The following MDM2 variants were observed in gnomAD, a reference collection of about 807,000 sequenced individuals.
MDM2 encodes the protein MDM2 proto-oncogene.
A neutral mutation model predicts 64.3 loss-of-function variants in MDM2; 11 were observed. The observed-to-expected ratio is 0.17, with a 90% confidence interval of 0.11 to 0.28. MDM2 has a LOEUF of 0.28. Among genes scored for constraint, MDM2 ranks in the 10% least tolerant of loss-of-function variants. MDM2 has a pLI of 1.00. For synonymous variants in MDM2, 194 were observed against 192.9 expected (o/e 1.01, Z -0.05); for missense variants, 388 against 577.1 (o/e 0.67, Z 3.36).
intron 5 of MDM2, 73 bp from the exon 6 acceptor site, chr12:68,824,290 G>T: frequency 5.0e-6 from 5 of 990,636 alleles, no homozygotes; most frequent in Non-Finnish European, 7.8e-6. Context: ...TAGACTGATA[G>T]CATATCTACT....
chr12:68,823,785 G>A (rs146894602), intron 5 of MDM2, among the ~76,000 whole-genome samples: 181 of 152,294 alleles, frequency 1.2e-3, no homozygotes, highest in Admixed American at 3.5e-3. Flanking sequence ...TTAATGGTGA[G>A]TGGCTGCAAC....
intron 7 of MDM2, chr12:68,828,502 A>G: frequency 3.2e-6 from 1 of 316,154 alleles, no homozygotes; most frequent in Non-Finnish European, 6.1e-6. Context: ...TGAGCCCATG[A>G]GGCAGAGGTT....
Position 68,839,989 on chromosome 12 carries a change from A to T in MDM2, c.*140A>T. ...TTCTTCTCTTTAGTATAATTGACCT[A>T]CTTTGGTAGTGGAATAGTGAATACT... On this transcript the variant is annotated 3_prime_UTR_variant, in exon 11 of 11. Coordinates refer to ENST00000258149, the MANE Select transcript of MDM2 (RefSeq NM_002392.6). The T allele has an allele frequency of 1.3e-6, 1 of 748,612 alleles. No homozygotes were observed. Among genetic ancestry groups the T allele is most frequent in the East Asian group, 2.7e-5 (1 of 36,452 alleles). The allele number at this position is 748,612 out of a possible 1,614,324, so 46.4% of individuals were successfully genotyped here.
intron 8 of MDM2, among the ~76,000 whole-genome samples, chr12:68,830,187 G>A (rs1882682906): frequency 6.6e-6 from 1 of 152,106 alleles, no homozygotes. Flanking sequence ...TGGTAATATG[G>A]CAGTGTCTCA....
At chr12:68,833,279 A>T (rs1454384449) in intron 8 of MDM2, among the ~76,000 whole-genome samples, 7 of 51,054 alleles carry the variant, frequency 1.4e-4, no homozygotes, top group Admixed American at 6.3e-4. Context: ...ATATTTATAT[A>T]AATATAAATA....
Position 68,843,093 on chromosome 12 carries a change from G to GTTT in MDM2, c.*3255_*3257dup. On this transcript the variant is annotated 3_prime_UTR_variant, in exon 11 of 11. Coordinates refer to ENST00000258149, the MANE Select transcript of MDM2 (RefSeq NM_002392.6). ...GTGCCTTTTGCAATTTGTTGTGTGG[G>GTTT]TTTTTTTTTTTTTAAAGCCACACAA... 4 of 198,772 alleles carry GTTT rather than the reference G, an allele frequency of 2.0e-5. No homozygotes were observed. Among genetic ancestry groups the GTTT allele is most frequent in the East Asian group, 7.8e-5 (1 of 12,868 alleles). The allele number at this position is 198,772 out of a possible 1,614,324, so 12.3% of individuals were successfully genotyped here. A position where few individuals can be genotyped will look rare whatever the true frequency, so the allele number is the denominator to read the frequency against.
At chr12:68,823,347 A>G (rs1314736068) in intron 5 of MDM2, among the ~76,000 whole-genome samples, 1 of 152,218 alleles carries the variant, frequency 6.6e-6, no homozygotes, top group Non-Finnish European at 1.5e-5. Context: ...TCCAACTACA[A>G]ATGAAACCTA....
chr12:68,840,280 G>A lies in MDM2; in HGVS notation c.*431G>A, dbSNP rs963625112. On this transcript the variant is annotated 3_prime_UTR_variant, in exon 11 of 11. Coordinates refer to ENST00000258149, the MANE Select transcript of MDM2 (RefSeq NM_002392.6). Reference sequence around the variant, plus strand: ...CTGCCTCAGCCTCCCAATTAGCTTGGCCTACAGTCATCTGCCACCACACCT... The same window carrying A: ...CTGCCTCAGCCTCCCAATTAGCTTGACCTACAGTCATCTGCCACCACACCT... The A allele has an allele frequency of 8.9e-5, 16 of 179,978 alleles. No individual in the cohort carries two copies. Among genetic ancestry groups the A allele is most frequent in the Non-Finnish European group, 1.5e-4 (13 of 85,328 alleles). The allele number at this position is 179,978 out of a possible 1,614,324, so 11.1% of individuals were successfully genotyped here.
Position 68,839,180 on chromosome 12 carries a change from T to C in MDM2, c.919-94T>C, listed in dbSNP as rs554667235. On this transcript the variant is annotated intron_variant, in intron 10 of 10. Transcript: ENST00000258149. Reference sequence around the variant, plus strand: ...ACACTGAATATTGAGCCCTATGATATACTTTACCTTAGACATAGCAAAGTT... The same window carrying C: ...ACACTGAATATTGAGCCCTATGATACACTTTACCTTAGACATAGCAAAGTT... 71 of 1,106,096 alleles carry C rather than the reference T, an allele frequency of 6.4e-5. No individual in the cohort carries two copies. In the African/African-American group the frequency reaches 1.1e-3, roughly 17 times the overall value. 68.5% of individuals were successfully genotyped at this position (1,106,096 alleles called of 1,614,324 possible).
At position 68,808,374 on chromosome 12, in the gene MDM2, G is replaced by T. The variant is rs1354920648; in HGVS notation, c.-104G>T. ...CGAGCGCCCAGTGCCCTGGCCCGGA[G>T]AGTGGAATGATCCCCGAGGCCCAGG... On this transcript the variant is annotated 5_prime_UTR_variant, in exon 1 of 11. Coordinates refer to ENST00000258149, the MANE Select transcript of MDM2 (RefSeq NM_002392.6). 7.4e-6 allele frequency: 11 copies of T among 1,494,654 alleles called. No individual in the cohort carries two copies. In the East Asian group the frequency reaches 1.6e-4, roughly 22 times the overall value. 92.6% of individuals were successfully genotyped at this position (1,494,654 alleles called of 1,614,324 possible). A position where few individuals can be genotyped will look rare whatever the true frequency, so the allele number is the denominator to read the frequency against.
At chr12:68,813,530 A>G (rs1881093299) in intron 2 of MDM2, 24 bp from the exon 3 acceptor site, 1 of 1,543,926 alleles carries the variant, frequency 6.5e-7, no homozygotes, top group Non-Finnish European at 8.9e-7. Context: ...TGGAAGTATA[A>G]TAGCAGTTCT....
rs1032805463 is a variant in MDM2, at chr12:68,844,455, G to A, written c.*4606G>A. On this transcript the variant is annotated 3_prime_UTR_variant, in exon 11 of 11. Transcript: ENST00000258149. ...CTGTCTTCTCTTAGGTCACATGGCA[G>A]CCTGGCCTAAGTGATCGTGAATGGT... The A allele has an allele frequency of 1.2e-4, 27 of 228,228 alleles. No individual in the cohort carries two copies. Among genetic ancestry groups the A allele is most frequent in the Admixed American group, 6.2e-4 (11 of 17,604 alleles). The allele number at this position is 228,228 out of a possible 1,614,324, so 14.1% of individuals were successfully genotyped here. A position where few individuals can be genotyped will look rare whatever the true frequency, so the allele number is the denominator to read the frequency against.
Position 68,808,512 on chromosome 12 carries a change from G to C in MDM2, c.14+21G>C, listed in dbSNP as rs762870651. 3.7e-6 allele frequency: 6 copies of C among 1,614,042 alleles called. No individual in the cohort carries two copies. The African/African-American group carries it at 8.0e-5, about 22-fold the overall frequency. On this transcript the variant is annotated intron_variant, in intron 1 of 10. Coordinates refer to ENST00000258149, the MANE Select transcript of MDM2 (RefSeq NM_002392.6). ...AGCAGGTACTGGCCCGGCAGCGAGC[G>C]GTCACTTTTGGGTCTGGGCTCTGAC... is the stretch of plus-strand genomic sequence containing the variant.
intron 7 of MDM2, chr12:68,828,266 T>C (rs977196429): frequency 6.6e-6 from 1 of 152,308 alleles, no homozygotes; most frequent in Admixed American, 6.6e-5. Context: ...AGAAAAAAAT[T>C]CCTAGATTTT....
intron 7 of MDM2, among the ~76,000 whole-genome samples, chr12:68,827,539 G>T (rs1230937412): frequency 6.6e-6 from 1 of 152,002 alleles, no homozygotes; most frequent in African/African-American, 2.4e-5. Flanking sequence ...ATTTTATTTT[G>T]TCATGTAAAC....
At chr12:68,824,465 T>A in intron 6 of MDM2, 35 bp downstream of exon 6, 2 of 1,602,302 alleles carry the variant, frequency 1.2e-6, no homozygotes, top group Non-Finnish European at 1.7e-6. Context: ...TAATGTAATA[T>A]TATTTGCAAA....
chr12:68,843,794 A>G lies in MDM2; in HGVS notation c.*3945A>G, dbSNP rs1884021565. On this transcript the variant is annotated 3_prime_UTR_variant, in exon 11 of 11. Transcript: ENST00000258149. ...CCAAGCATTATTTGGAGTTGATAAT[A>G]CTTCAGCTACAACCAAGCAGAATCT... 4.5e-6 allele frequency: 1 copy of G among 221,790 alleles called. No homozygotes were observed. The highest frequency in any genetic ancestry group is 2.2e-5 in the African/African-American group (1 of 44,616). 13.7% of individuals were successfully genotyped at this position (221,790 alleles called of 1,614,324 possible).
chr12:68,835,693 C>T (rs559708524), intron 8 of MDM2, 136 bp from the exon 9 acceptor site: 23 of 773,626 alleles, frequency 3.0e-5, no homozygotes, highest in South Asian at 2.4e-4. Context: ...CGGGAAGTCC[C>T]GGATCAGAGC....
intron 8 of MDM2, among the ~76,000 whole-genome samples, chr12:68,835,542 A>G (rs1025169491): frequency 1.3e-5 from 2 of 152,228 alleles, no homozygotes; most frequent in Non-Finnish European, 2.9e-5. Flanking sequence ...GGGGTTTTGA[A>G]CAGGGAAAAT....
Sources: allele counts gnomAD v4.1 joint callset (sites outside exome capture counted in the v4.1 genomes callset), GRCh38; gene constraint gnomAD v4.1.1; transcripts MANE v1.5; gene names NCBI Gene and HGNC (gene_info 2026-07-23, HGNC 2026-07-21).